CCDC30: variants seen among roughly 807,000 people sequenced by gnomAD.
CCDC30 encodes the protein coiled-coil domain-containing protein 30.
A neutral mutation model predicts 100.2 loss-of-function variants in CCDC30; 70 were observed. The observed-to-expected ratio is 0.70, with a 90% CI of 0.58 to 0.85. The LOEUF is 0.85. CCDC30 is among the 40% of genes least tolerant of loss of function. CCDC30 has a pLI of 0.00. For missense variants in CCDC30, 652 were observed against 771.2 expected (o/e 0.85, Z 1.83); for synonymous variants, 233 against 269.5 (o/e 0.86, Z 1.33).
intron 2 of CCDC30, among the ~76,000 whole-genome samples, chr1:42,481,797 G>A (rs1236481478): frequency 1.3e-5 from 2 of 151,940 alleles, no homozygotes; most frequent in Non-Finnish European, 2.9e-5. Flanking sequence ...AAGTATGGGA[G>A]GTAACCCAAG....
At chr1:42,457,056 A>G in the CCDC30 span, 1 of 1,598,210 alleles carries the variant, frequency 6.3e-7, no homozygotes, top group East Asian at 2.2e-5. Context: ...GCTGCGGCCC[A>G]GGCACTCAAT....
chr1:42,577,273 C>T (rs777049481), intron 8 of CCDC30, 44 bp downstream of exon 12: 2 of 1,188,834 alleles, frequency 1.7e-6, no homozygotes, highest in East Asian at 4.8e-5. Flanking sequence ...CTGAATACCA[C>T]TACTGAAATC....
chr1:42,472,646 CT>C (rs1210844030), intron 1 of CCDC30, among the ~76,000 whole-genome samples: 94 of 145,426 alleles, frequency 6.5e-4, no homozygotes, highest in Middle Eastern at 3.5e-3. Context: ...GACAGAAAAG[CT>C]TTTTTTTTTT....
intron 6 of CCDC30, among the ~76,000 whole-genome samples, chr1:42,544,934 G>A (rs761757757): frequency 1.5e-4 from 23 of 151,946 alleles, no homozygotes; most frequent in Middle Eastern, 3.4e-3. Flanking sequence ...AGATATCTCC[G>A]TAAGATATAT....
At chr1:42,552,683 C>T (rs6703733) in intron 6 of CCDC30, among the ~76,000 whole-genome samples, 1 of 151,872 alleles carries the variant, frequency 6.6e-6, no homozygotes. Context: ...AATTCCTTTT[C>T]TCCAGTAGCC....
At chr1:42,633,007 A>G (rs945600341) in intron 11 of CCDC30, among the ~76,000 whole-genome samples, 4 of 151,910 alleles carry the variant, frequency 2.6e-5, no homozygotes, top group South Asian at 2.1e-4. Flanking sequence ...ATGTGGTTTC[A>G]CCGTGTTGGC....
At chr1:42,471,127 A>G (rs2148440797) in intron 1 of CCDC30, among the ~76,000 whole-genome samples, 2 of 152,298 alleles carry the variant, frequency 1.3e-5, no homozygotes, top group Middle Eastern at 3.4e-3. Flanking sequence ...CATAAAGATC[A>G]CTGGCTTTGG....
At chr1:42,589,576 T>C (rs1646143947) in intron 10 of CCDC30, 93 bp downstream of exon 14, 1 of 1,076,076 alleles carries the variant, frequency 9.3e-7, no homozygotes, top group Non-Finnish European at 1.4e-6. Context: ...CTAAACCTAA[T>C]CCTTTAGTCA....
At chr1:42,630,077 C>T (rs554513216) in intron 11 of CCDC30, among the ~76,000 whole-genome samples, 3 of 147,910 alleles carry the variant, frequency 2.0e-5, no homozygotes, top group African/African-American at 5.0e-5. Flanking sequence ...CGGGTTCAAG[C>T]GATTCTCCTG....
chr1:42,611,229 A>G (rs972254898), intron 11 of CCDC30, 139 bp downstream of exon 15: 6 of 535,488 alleles, frequency 1.1e-5, no homozygotes, highest in African/African-American at 1.9e-5. Flanking sequence ...TATGTTTCCA[A>G]AAGTGCTATC....
rs565131159 is a variant in CCDC30 at position 42,486,916 on chromosome 1, A to C, written c.170-3242A>C. Among the ~76,000 whole-genome samples, 12 of 152,314 alleles carry C rather than the reference A, an allele frequency of 7.9e-5. 1 individual carries two copies. The highest frequency in any genetic ancestry group is 2.9e-4 in the African/African-American group (12 of 41,584). On this transcript the variant is annotated intron_variant, in intron 3 of 16. Coordinates refer to ENST00000668663, the Ensembl canonical transcript of CCDC30. ...TAAAAGAAGTCAGATGCAAAAGATC[A>C]TATATTGTGTGATTCCATTTAGATG...
At chr1:42,487,239 C>T (rs371885059) in intron 3 of CCDC30, among the ~76,000 whole-genome samples, 57 of 151,786 alleles carry the variant, frequency 3.8e-4, no homozygotes, top group African/African-American at 5.8e-4. Flanking sequence ...AATTAGATTG[C>T]GATGGTTGCA....
At chr1:42,526,002 G>A (rs1162592778) in intron 6 of CCDC30, among the ~76,000 whole-genome samples, 3 of 152,122 alleles carry the variant, frequency 2.0e-5, no homozygotes, top group Non-Finnish European at 4.4e-5. Flanking sequence ...GCAGATTTCT[G>A]CAGTTCTTTT....
chr1:42,537,203 T>G, intron 6 of CCDC30: 1 of 456,260 alleles, frequency 2.2e-6, no homozygotes, highest in South Asian at 1.5e-5. Context: ...GTCATGGGCT[T>G]ATCGCTCGTT....
chr1:42,558,939 G>A (rs1645428129), intron 6 of CCDC30, among the ~76,000 whole-genome samples: 1 of 152,122 alleles, frequency 6.6e-6, no homozygotes, highest in African/African-American at 2.4e-5. Context: ...TTTAACAGTG[G>A]ACCTCTCAGC....
chr1:42,579,023 GCT>G (rs1645904075), intron 8 of CCDC30, among the ~76,000 whole-genome samples: 1 of 151,840 alleles, frequency 6.6e-6, no homozygotes, highest in Non-Finnish European at 1.5e-5. Flanking sequence ...ACAGAGTCTC[GCT>G]CTGTCACCAG....
chr1:42,535,464 G>T (rs1474284939), intron 6 of CCDC30, among the ~76,000 whole-genome samples: 1 of 150,896 alleles, frequency 6.6e-6, no homozygotes, highest in Middle Eastern at 3.2e-3. Context: ...ATACCACTCT[G>T]CATTTCCCAA....
At chr1:42,578,782 T>A (rs892922349) in intron 8 of CCDC30, among the ~76,000 whole-genome samples, 2 of 152,114 alleles carry the variant, frequency 1.3e-5, no homozygotes, top group Non-Finnish European at 2.9e-5. Flanking sequence ...CATAATATCA[T>A]TGTTCCGAAT....
chr1:42,529,292 T>C (rs1644772239), intron 6 of CCDC30, among the ~76,000 whole-genome samples: 1 of 151,956 alleles, frequency 6.6e-6, no homozygotes, highest in Non-Finnish European at 1.5e-5. Flanking sequence ...GCCAACATGG[T>C]GAAAATACAA....
Sources: gnomAD v4.1 joint callset for allele counts (sites outside exome capture counted in the v4.1 genomes callset) on GRCh38, gnomAD v4.1.1 for gene constraint, MANE v1.5 for transcripts, NCBI Gene and HGNC (gene_info 2026-07-23, HGNC 2026-07-21) for gene names.